The following DNER variants were observed in gnomAD, a reference collection of about 807,000 sequenced individuals.
DNER encodes delta and Notch-like epidermal growth factor-related receptor.
Under a neutral mutation model 78.2 loss-of-function variants are expected in DNER, and 33 were observed. That is an observed-to-expected ratio of 0.42 (90% CI 0.32 to 0.56). DNER has a LOEUF of 0.56. Among genes scored for constraint, DNER ranks in the 20% least tolerant of loss-of-function variants. The pLI is 0.11. For synonymous variants in DNER, 417 were observed against 384.8 expected (o/e 1.08, Z -0.98); for missense variants, 918 against 975.3 (o/e 0.94, Z 0.78).
At chr2:229,435,403 AC>A (rs1191142144) in intron 8 of DNER, among the ~76,000 whole-genome samples, 1 of 152,186 alleles carries the variant, frequency 6.6e-6, no homozygotes, top group Non-Finnish European at 1.5e-5. Flanking sequence ...CAAATTATCA[AC>A]CCACAGAATC....
intron 7 of DNER, among the ~76,000 whole-genome samples, chr2:229,456,756 C>G (rs1483454459): frequency 6.6e-6 from 1 of 152,052 alleles, no homozygotes; most frequent in Non-Finnish European, 1.5e-5. Context: ...ACCATCTAGA[C>G]CACACAGATG....
At chr2:229,452,054 G>T (rs1393786124) in intron 7 of DNER, among the ~76,000 whole-genome samples, 1 of 152,176 alleles carries the variant, frequency 6.6e-6, no homozygotes, top group African/African-American at 2.4e-5. Flanking sequence ...CACTGGTCAG[G>T]CCAGGTCACG....
intron 1 of DNER, among the ~76,000 whole-genome samples, chr2:229,654,120 C>G (rs1040483782): frequency 6.6e-6 from 1 of 152,128 alleles, no homozygotes; most frequent in African/African-American, 2.4e-5. Context: ...CCCACTCCCC[C>G]CACCCCACCA....
intron 11 of DNER, among the ~76,000 whole-genome samples, chr2:229,381,233 A>C (rs1436808745): frequency 6.6e-6 from 1 of 152,006 alleles, no homozygotes; most frequent in Non-Finnish European, 1.5e-5. Flanking sequence ...GGAACGGTGC[A>C]CTCCAGCCTA....
chr2:229,486,529 A>C (rs1260653476), intron 6 of DNER, among the ~76,000 whole-genome samples: 1 of 152,172 alleles, frequency 6.6e-6, no homozygotes, highest in Non-Finnish European at 1.5e-5. Flanking sequence ...TACAACAATC[A>C]GCTGAGAGAG....
Position 229,447,387 on chromosome 2 carries a change from C to T in DNER, c.1415G>A (p.Cys472Tyr). 1 of 1,613,290 alleles carries T rather than the reference C, an allele frequency of 6.2e-7. No individual in the cohort carries two copies. Among genetic ancestry groups the T allele is most frequent in the Non-Finnish European group, 8.5e-7 (1 of 1,179,694 alleles). The change falls in exon 8 of 13, where the codon TGT becomes TAT. Residue 472 changes from cysteine to tyrosine, a missense_variant. By Grantham distance (194) the Cys-to-Tyr change is radical. Transcript: ENST00000341772. ...GCCATGAGCACAGGGGCTGAGGGCA[C>T]AGAAGTCAATAAGCTGGGCACAGGT... ...GPTCAQLIDF[C>Y]ALSPCAHGTC...
chr2:229,433,479 A>G (rs1694060624), intron 8 of DNER, among the ~76,000 whole-genome samples: 1 of 152,236 alleles, frequency 6.6e-6, no homozygotes, highest in African/African-American at 2.4e-5. Context: ...GACGTATTGG[A>G]AAAGAAAGGC....
At chr2:229,482,421 T>C (rs1430817159) in intron 6 of DNER, among the ~76,000 whole-genome samples, 2 of 152,154 alleles carry the variant, frequency 1.3e-5, no homozygotes, top group African/African-American at 2.4e-5. Context: ...CCCAAAAGGT[T>C]TGGAATAAAA....
intron 5 of DNER, among the ~76,000 whole-genome samples, chr2:229,540,292 A>T (rs972978980): frequency 6.6e-6 from 1 of 151,812 alleles, no homozygotes; most frequent in East Asian, 1.9e-4. Flanking sequence ...AAAACCACAG[A>T]GATTTGAGGG....
chr2:229,684,195 T>A (rs938442996), intron 1 of DNER, among the ~76,000 whole-genome samples: 2 of 150,642 alleles, frequency 1.3e-5, no homozygotes, highest in Admixed American at 6.6e-5. Flanking sequence ...TGTGTGTGTG[T>A]GTGTGTGTGT....
intron 10 of DNER, among the ~76,000 whole-genome samples, chr2:229,396,304 G>GTTTAGTTTAGTTT (rs374036131): frequency 0.12 from 17,895 of 152,096 alleles, 1,785 homozygotes; most frequent in East Asian, 0.52. Context: ...TAGTTTACAC[G>GTTTAGTTTAGTTT]ACTTTAGTAA....
At chr2:229,668,573 T>TATATATATATATATAC (rs1259916500) in intron 1 of DNER, among the ~76,000 whole-genome samples, 24 of 92,190 alleles carry the variant, frequency 2.6e-4, no homozygotes, top group African/African-American at 8.7e-4. Context: ...TATATATATA[T>TATATATATATATATAC]ATATATAAAA....
At chr2:229,595,461 T>C (rs1466478938) in intron 1 of DNER, among the ~76,000 whole-genome samples, 1 of 151,176 alleles carries the variant, frequency 6.6e-6, no homozygotes, top group Non-Finnish European at 1.5e-5. Context: ...TTTGTATTTT[T>C]GTTAGAGACG....
intron 7 of DNER, among the ~76,000 whole-genome samples, chr2:229,473,488 T>C (rs1488630115): frequency 6.6e-6 from 1 of 152,222 alleles, no homozygotes; most frequent in African/African-American, 2.4e-5. Flanking sequence ...ATCTGTTAAA[T>C]GGAAATATTA....
intron 7 of DNER, among the ~76,000 whole-genome samples, chr2:229,465,735 G>A (rs1694791250): frequency 6.6e-6 from 1 of 152,152 alleles, no homozygotes; most frequent in Non-Finnish European, 1.5e-5. Flanking sequence ...GGTTGGAGAG[G>A]TAGCCAGGGA....
intron 6 of DNER, among the ~76,000 whole-genome samples, chr2:229,480,958 C>G (rs1559363253): frequency 1.3e-5 from 2 of 152,198 alleles, no homozygotes; most frequent in Non-Finnish European, 2.9e-5. Context: ...ATGAAGAACA[C>G]TAATGGAGGA....
chr2:229,554,010 G>T (rs1214238538), intron 4 of DNER, among the ~76,000 whole-genome samples: 3 of 152,172 alleles, frequency 2.0e-5, no homozygotes, highest in East Asian at 3.8e-4. Flanking sequence ...GCTGGACATT[G>T]TTAAGTAGGA....
intron 12 of DNER, among the ~76,000 whole-genome samples, chr2:229,365,495 G>C (rs967226881): frequency 6.6e-6 from 1 of 152,176 alleles, no homozygotes; most frequent in Admixed American, 6.5e-5. Context: ...GGAGTGCAGT[G>C]GTGCCATCTC....
At chr2:229,529,605 T>C (rs1696265877) in intron 5 of DNER, among the ~76,000 whole-genome samples, 1 of 152,200 alleles carries the variant, frequency 6.6e-6, no homozygotes, top group African/African-American at 2.4e-5. Context: ...TACTCACACC[T>C]GTAGTACTTT....
Sources: gnomAD v4.1 joint callset for allele counts (sites outside exome capture counted in the v4.1 genomes callset) on GRCh38, gnomAD v4.1.1 for gene constraint, MANE v1.5 for transcripts, NCBI Gene and HGNC (gene_info 2026-07-23, HGNC 2026-07-21) for gene names.